The following UBAP2L variants were observed in gnomAD, a reference collection of about 807,000 sequenced individuals.
The protein encoded by UBAP2L is ubiquitin associated protein 2 like.
UBAP2L carries 12 observed loss-of-function variants against 130.6 expected under a neutral mutation model. The ratio of observed to expected loss-of-function variants is 0.09; its 90% confidence interval spans 0.06 to 0.15. The LOEUF (loss-of-function observed/expected upper bound fraction) is 0.15. Ranked by LOEUF, UBAP2L falls within the 10% of genes least tolerant of loss-of-function variation. UBAP2L has a pLI of 1.00. For missense variants in UBAP2L, 965 were observed against 1,332.5 expected, an observed-to-expected ratio of 0.72 and a Z score of 4.29; for synonymous variants, 503 against 524.7, an observed-to-expected ratio of 0.96 and a Z score of 0.57.
chr1:154,255,279 G>C lies in UBAP2L; in HGVS notation c.2037G>C (p.Leu679Phe). 6.2e-7 allele frequency: 1 copy of C among 1,614,180 alleles called. No individual in the cohort carries two copies. The highest frequency in any genetic ancestry group is 8.5e-7 in the Non-Finnish European group (1 of 1,180,028). Residue 679 changes from leucine to phenylalanine, a missense_variant, in exon 17 of 27, where the codon TTG becomes TTC. Physicochemically the swap from Leu to Phe is conservative, Grantham distance 22 (BLOSUM62 0). Transcript: ENST00000428931. ...AGCATTCATCCTCCTTGGGTGGCTT[G>C]AGCCACAGTGAGGAGATTCCAAATA... ...TNQHSSSLGG[L>F]SHSEEIPNTT...
In UBAP2L at chr1:154,258,965, T is replaced by G. The variant is rs756218374; in HGVS notation, c.2443-12T>G. ...CCAGTTCCTGTTATTGCTATATGTC[T>G]GTATCTTTCAGCCACAAGTATATGG... On this transcript the variant is annotated splice_polypyrimidine_tract_variant and intron_variant, in intron 20 of 26. Coordinates refer to ENST00000428931, the MANE Select transcript of UBAP2L (RefSeq NM_014847.4). 8.7e-6 allele frequency: 14 copies of G among 1,613,076 alleles called. No homozygotes were observed. In the Admixed American group the frequency reaches 1.2e-4, roughly 13 times the overall value.
chr1:154,241,967 G>A (rs1233409068), intron 9 of UBAP2L, among the ~76,000 whole-genome samples: 1 of 152,204 alleles, frequency 6.6e-6, no homozygotes, highest in Non-Finnish European at 1.5e-5. Flanking sequence ...GATTGGCAGT[G>A]GATCCAAAGC....
chr1:154,229,430 G>C (rs1044919826), intron 4 of UBAP2L, among the ~76,000 whole-genome samples: 4 of 152,002 alleles, frequency 2.6e-5, no homozygotes, highest in Non-Finnish European at 5.9e-5. Flanking sequence ...TGTTCCTGCA[G>C]TGCTTACTAG....
rs544736483 is a variant in UBAP2L at position 154,223,225 on chromosome 1, A to G, written c.-40-1859A>G. Among the ~76,000 whole-genome samples, 6 of 152,348 alleles carry G rather than the reference A, an allele frequency of 3.9e-5. No individual in the cohort carries two copies. The East Asian group carries it at 1.2e-3, about 29-fold the overall frequency. On this transcript the variant is annotated intron_variant, in intron 1 of 26. Coordinates refer to ENST00000428931, the MANE Select transcript of UBAP2L (RefSeq NM_014847.4). Reference sequence around the variant, plus strand: ...TCTTTCTTGGTTAATTATATCTTTCAAGATGACTTTTTAATATGTTTACAT... The same window carrying G: ...TCTTTCTTGGTTAATTATATCTTTCGAGATGACTTTTTAATATGTTTACAT...
At chr1:154,248,631 A>G (rs1158698297) in intron 11 of UBAP2L, among the ~76,000 whole-genome samples, 2 of 152,186 alleles carry the variant, frequency 1.3e-5, no homozygotes, top group African/African-American at 4.8e-5. Context: ...CCTGGCTAAC[A>G]CAGTGAAACG....
At chr1:154,267,995 T>C (rs1571994820) in intron 25 of UBAP2L, among the ~76,000 whole-genome samples, 1 of 148,578 alleles carries the variant, frequency 6.7e-6, no homozygotes, top group Non-Finnish European at 1.5e-5. Context: ...GTTCAAGCGA[T>C]TCTCCTGCCT....
intron 14 of UBAP2L, among the ~76,000 whole-genome samples, chr1:154,253,383 A>AT (rs1173992099): frequency 0.1 from 12,483 of 123,782 alleles, 2,153 homozygotes; most frequent in African/African-American, 0.35. Context: ...TGTTTTTAAG[A>AT]TTTTTTTTTT....
chr1:154,220,293 C>A, upstream of UBAP2L: 2 of 1,606,658 alleles, frequency 1.2e-6, no homozygotes, highest in Non-Finnish European at 1.7e-6. Flanking sequence ...AGGAGGGTCT[C>A]TACTGGGTAA....
intron 21 of UBAP2L, among the ~76,000 whole-genome samples, chr1:154,259,347 C>A (rs960329496): frequency 2.0e-5 from 3 of 152,052 alleles, no homozygotes; most frequent in Non-Finnish European, 4.4e-5. Context: ...CCCACCACCA[C>A]CCCCAGCTAA....
rs568454207 is a variant in UBAP2L, at chr1:154,228,125, T to TG, written c.169-483dup. Among the ~76,000 whole-genome samples the TG allele has an allele frequency of 9.2e-5, 14 of 151,920 alleles. No individual in the cohort carries two copies. The East Asian group carries it at 1.2e-3, about 13-fold the overall frequency. ...ACATGTTTTCCTTTTTGGCGGGGGT[T>TG]GGGGGGGTGGTTCTGGAAAACCTGC... On this transcript the variant is annotated intron_variant, in intron 3 of 26. Coordinates refer to ENST00000428931, the MANE Select transcript of UBAP2L (RefSeq NM_014847.4).
rs1316704328 is a variant in UBAP2L, at chr1:154,270,768, T to TGG, written c.*473_*474insGG. ...TGAATTAGTTGAAGTGGTTTTTTTTTTGTTTTTTTTTTTTTTTTGTACTGT... is the reference window on the plus strand; with the variant it reads ...TGAATTAGTTGAAGTGGTTTTTTTTTGGTGTTTTTTTTTTTTTTTTGTACTGT... On this transcript the variant is annotated 3_prime_UTR_variant, in exon 27 of 27. Transcript: ENST00000428931. The TGG allele has an allele frequency of 2.1e-6, 2 of 968,228 alleles. No individual in the cohort carries two copies. Among genetic ancestry groups the TGG allele is most frequent in the Non-Finnish European group, 2.6e-6 (2 of 756,708 alleles). 60.0% of individuals were successfully genotyped at this position (968,228 alleles called of 1,614,324 possible).
intron 15 of UBAP2L, among the ~76,000 whole-genome samples, chr1:154,254,450 G>C (rs1678929339): frequency 6.6e-6 from 1 of 152,212 alleles, no homozygotes; most frequent in Non-Finnish European, 1.5e-5. Context: ...TGCCAGAGGT[G>C]ATGTGGAGTG....
chr1:154,229,625 A>G (rs1345626526), intron 4 of UBAP2L, among the ~76,000 whole-genome samples: 2 of 151,668 alleles, frequency 1.3e-5, no homozygotes, highest in African/African-American at 2.4e-5. Context: ...CACCATGTCC[A>G]GCTGATTTTC....
At chr1:154,236,938 G>T (rs993356525) in intron 7 of UBAP2L, 86 bp from the exon 8 acceptor site, 10 of 993,024 alleles carry the variant, frequency 1.0e-5, no homozygotes, top group East Asian at 2.5e-5. Flanking sequence ...GTACTAGGAA[G>T]GATGCAGTCA....
At chr1:154,237,003 C>T (rs1671905365) in intron 7 of UBAP2L, 21 bp from the exon 8 acceptor site, 2 of 1,600,646 alleles carry the variant, frequency 1.2e-6, no homozygotes, top group South Asian at 1.1e-5. Flanking sequence ...GTCAGAGACT[C>T]TTAAGTTTTA....
In UBAP2L at chr1:154,255,702, A is replaced by G; in HGVS notation, c.2104A>G (p.Asn702Asp). The change falls in exon 18 of 27, where the codon AAT becomes GAT. Residue 702 changes from asparagine (N) to aspartate (D), a missense_variant. By Grantham distance (23) the Asn-to-Asp change is conservative. Coordinates refer to ENST00000428931, the MANE Select transcript of UBAP2L (RefSeq NM_014847.4). The stretch of plus-strand genomic sequence containing the variant: ...TGACAGCACGTTATCTACGCAGCAG[A>G]ATACCCTTTCATCATCAACATCTTC... ...QHSSTLSTQQ[N>D]TLSSSTSSGR... 1 of 1,614,202 alleles carries G rather than the reference A, an allele frequency of 6.2e-7. No homozygotes were observed. The highest frequency in any genetic ancestry group is 8.5e-7 in the Non-Finnish European group (1 of 1,180,042).
chr1:154,223,699 T>C (rs1320063852), intron 1 of UBAP2L, among the ~76,000 whole-genome samples: 1 of 152,166 alleles, frequency 6.6e-6, no homozygotes, highest in African/African-American at 2.4e-5. Flanking sequence ...AAAAAATCTT[T>C]CTTGATACAA....
intron 24 of UBAP2L, among the ~76,000 whole-genome samples, chr1:154,264,471 A>G (rs1339254110): frequency 1.3e-5 from 2 of 152,148 alleles, no homozygotes; most frequent in African/African-American, 4.8e-5. Context: ...AGTACCCATT[A>G]TTTTCTAGGT....
At chr1:154,266,463 G>T in intron 24 of UBAP2L, 38 bp from the exon 25 acceptor site, 7 of 1,603,022 alleles carry the variant, frequency 4.4e-6, no homozygotes, top group Middle Eastern at 1.7e-4. Context: ...CAGGTAGCTA[G>T]CTGAGCTAAT....
Sources: allele counts gnomAD v4.1 joint callset (sites outside exome capture counted in the v4.1 genomes callset), GRCh38; gene constraint gnomAD v4.1.1; transcripts MANE v1.5; gene names NCBI Gene and HGNC (gene_info 2026-07-23, HGNC 2026-07-21).